Variants in TVP23A observed in about 807,000 individuals in gnomAD.
The protein encoded by TVP23A is Golgi apparatus membrane protein TVP23 homolog A.
TVP23A carries 21 observed loss-of-function variants against 31.7 expected under a neutral mutation model. The ratio of observed to expected loss-of-function variants is 0.66; its 90% confidence interval spans 0.47 to 0.95. The LOEUF is 0.95. Ranked by LOEUF, TVP23A falls within the 40% of genes least tolerant of loss-of-function variation. The pLI is 0.00. For missense variants in TVP23A, 279 were observed against 255.6 expected (o/e 1.09, Z -0.62); for synonymous variants, 104 against 96.0 (o/e 1.08, Z -0.49).
At chr16:10,773,292 G>A (rs1208127511) in intron 5 of TVP23A, 21 bp downstream of exon 5, 1 of 1,581,490 alleles carries the variant, frequency 6.3e-7, no homozygotes, top group African/African-American at 1.4e-5. Context: ...AAGCAATGTG[G>A]AAGTCAAGAT....
At chr16:10,763,485 T>C (rs905447067), downstream of TVP23A, 1 of 152,262 alleles carries the variant, frequency 6.6e-6, no homozygotes, top group Non-Finnish European at 1.5e-5. Context: ...TTCTCTGGCA[T>C]GTGATTTCCC....
At chr16:10,774,913 G>A (rs780062831) in intron 3 of TVP23A, 39 bp downstream of exon 3, 241 of 1,584,086 alleles carry the variant, frequency 1.5e-4, no homozygotes, top group Non-Finnish European at 2.0e-4. Flanking sequence ...GACAAGCCTC[G>A]TGTTTCGGAA....
intron 2 of TVP23A, among the ~76,000 whole-genome samples, chr16:10,817,648 C>T (rs1292110955): frequency 6.6e-6 from 1 of 152,208 alleles, no homozygotes. Flanking sequence ...GCCTCAGTGG[C>T]TTTCTCTGAT....
chr16:10,766,708 A>G lies in TVP23A; in HGVS notation c.*2394T>C. 2.6e-6 allele frequency: 1 copy of G among 382,288 alleles called. No homozygotes were observed. Among genetic ancestry groups the G allele is most frequent in the East Asian group, 3.7e-5 (1 of 26,726 alleles). 23.7% of individuals were successfully genotyped at this position (382,288 alleles called of 1,614,324 possible). On this transcript the variant is annotated 3_prime_UTR_variant, in exon 8 of 8. Coordinates refer to ENST00000299866, the MANE Select transcript of TVP23A (RefSeq NM_001079512.4). This position sits in a 1 kb window ranked among gnomAD's most constrained non-coding sequence, Gnocchi z 4.8. Reference sequence around the variant, plus strand: ...GGAAGGAAGGGATTTATTGAAAATGAAAGTCAACTCCACGGTGTGGGAGGA... The same window carrying G: ...GGAAGGAAGGGATTTATTGAAAATGGAAGTCAACTCCACGGTGTGGGAGGA...
intron 2 of TVP23A, among the ~76,000 whole-genome samples, chr16:10,796,863 G>C (rs2033418205): frequency 6.6e-6 from 1 of 152,164 alleles, no homozygotes; most frequent in Admixed American, 6.5e-5. Context: ...AGGGACGCTG[G>C]CTAAATATTT....
At chr16:10,782,747 T>C (rs114241667) in intron 2 of TVP23A, among the ~76,000 whole-genome samples, 1,984 of 152,136 alleles carry the variant, frequency 0.013, 42 homozygotes, top group African/African-American at 0.046. Context: ...CAAGCTGTCC[T>C]CCCATCTTAG....
intron 2 of TVP23A, among the ~76,000 whole-genome samples, chr16:10,813,781 G>C (rs1409467749): frequency 6.6e-6 from 1 of 151,924 alleles, no homozygotes; most frequent in East Asian, 1.9e-4. Flanking sequence ...CAAGGCACTA[G>C]GATCACTCAA....
chr16:10,788,011 T>C (rs1020365046), intron 2 of TVP23A, among the ~76,000 whole-genome samples: 4 of 152,094 alleles, frequency 2.6e-5, no homozygotes, highest in Non-Finnish European at 4.4e-5. Context: ...CACAGCCCCA[T>C]GGGGTCCTGA....
intron 2 of TVP23A, among the ~76,000 whole-genome samples, chr16:10,792,752 T>A (rs1478367724): frequency 6.6e-6 from 1 of 152,250 alleles, no homozygotes; most frequent in African/African-American, 2.4e-5. Context: ...AGCTCCATCA[T>A]CCTTCTGAAA....
chr16:10,801,328 A>T (rs1269217113), intron 2 of TVP23A, among the ~76,000 whole-genome samples: 1 of 152,232 alleles, frequency 6.6e-6, no homozygotes, highest in African/African-American at 2.4e-5. Flanking sequence ...GAGAAGCATC[A>T]GACAGACCCA....
chr16:10,788,420 G>T (rs61404022), intron 2 of TVP23A, among the ~76,000 whole-genome samples: 4,532 of 151,924 alleles, frequency 0.03, 195 homozygotes, highest in African/African-American at 0.1. Context: ...GACTACAGGC[G>T]CCCGCCACCA....
At chr16:10,778,301 T>G (rs1472955066) in intron 2 of TVP23A, among the ~76,000 whole-genome samples, 1 of 149,476 alleles carries the variant, frequency 6.7e-6, no homozygotes, top group African/African-American at 2.5e-5. Context: ...GCCACTGCAC[T>G]CCAGCTTGGG....
intron 2 of TVP23A, among the ~76,000 whole-genome samples, chr16:10,798,440 T>C (rs1212903512): frequency 6.6e-6 from 1 of 152,134 alleles, no homozygotes; most frequent in Non-Finnish European, 1.5e-5. Flanking sequence ...ACACGGTAGA[T>C]ACCCATGCGT....
downstream of TVP23A, chr16:10,758,061 C>G (rs752398866): frequency 6.2e-7 from 1 of 1,604,130 alleles, no homozygotes; most frequent in Non-Finnish European, 8.5e-7. Flanking sequence ...TGGGTCCAAA[C>G]TGTGCTCCAC....
intron 2 of TVP23A, among the ~76,000 whole-genome samples, chr16:10,796,115 A>T (rs933928877): frequency 2.6e-5 from 4 of 152,170 alleles, no homozygotes; most frequent in South Asian, 2.1e-4. Context: ...AGGGAGGCTG[A>T]GGCAAGAGGA....
In TVP23A at chr16:10,777,924, T is replaced by G. The variant is rs1010008316; in HGVS notation, c.90-2828A>C. On this transcript the variant is annotated intron_variant, in intron 2 of 7. Coordinates refer to ENST00000299866, the MANE Select transcript of TVP23A (RefSeq NM_001079512.4). This position sits in a 1 kb window ranked among gnomAD's most constrained non-coding sequence, Gnocchi z 4.5. The stretch of plus-strand genomic sequence containing the variant: ...TACTCGGGACGCTGAGGCAGGAGAA[T>G]TGCTTGAATCTGGGAGGCGGAGGTT... Among the ~76,000 whole-genome samples, 1 of 152,040 alleles carries G rather than the reference T, an allele frequency of 6.6e-6. No homozygotes were observed. Among genetic ancestry groups the G allele is most frequent in the African/African-American group, 2.4e-5 (1 of 41,382 alleles).
chr16:10,763,077 C>T (rs1255015349), downstream of TVP23A, among the ~76,000 whole-genome samples: 1 of 152,030 alleles, frequency 6.6e-6, no homozygotes, highest in Admixed American at 6.6e-5. Context: ...AAGGTTGTCC[C>T]TGCTGCCAGT....
chr16:10,776,134 G>T (rs2142906761), intron 2 of TVP23A, among the ~76,000 whole-genome samples: 1 of 151,908 alleles, frequency 6.6e-6, no homozygotes, highest in Admixed American at 6.6e-5. Context: ...CAGCACATTG[G>T]GAGGCCGAGG....
chr16:10,770,466 C>A, intron 6 of TVP23A, 135 bp from the exon 7 acceptor site: 1 of 889,030 alleles, frequency 1.1e-6, no homozygotes. Context: ...TGGCATAAAG[C>A]AGTGCTGTTC....
Sources: allele counts gnomAD v4.1 joint callset (sites outside exome capture counted in the v4.1 genomes callset), GRCh38; gene constraint gnomAD v4.1.1; non-coding constraint Gnocchi (gnomAD v3.1); transcripts MANE v1.5; gene names NCBI Gene and HGNC (gene_info 2026-07-23, HGNC 2026-07-21).